The following MAP3K2 variants were observed in gnomAD, a reference collection of about 807,000 sequenced individuals.
The protein encoded by MAP3K2 is MAP/ERK kinase kinase 2.
In MAP3K2, 24 loss-of-function variants were observed where a neutral mutation model predicts 80.3. The ratio of observed to expected loss-of-function variants is 0.30; its 90% CI spans 0.22 to 0.42. The LOEUF (loss-of-function observed/expected upper bound fraction) is 0.42. MAP3K2 is among the 10% of genes least tolerant of loss of function. The pLI, the probability that MAP3K2 is intolerant of heterozygous loss-of-function variation, is 1.00. For missense variants in MAP3K2, 608 were observed against 750.1 expected, an observed-to-expected ratio of 0.81 and a Z score of 2.21; for synonymous variants, 244 against 253.7, an observed-to-expected ratio of 0.96 and a Z score of 0.36.
At position 127,310,784 on chromosome 2, in the gene MAP3K2, TTTCTC is replaced by T. The variant is rs1420206335; in HGVS notation, c.1457-2027_1457-2023del. Among the ~76,000 whole-genome samples, 2 of 152,104 alleles carry T rather than the reference TTTCTC, an allele frequency of 1.3e-5. No homozygotes were observed. The highest frequency in any genetic ancestry group is 1.3e-4 in the Admixed American group (2 of 15,264). On this transcript the variant is annotated intron_variant, in intron 15 of 16. Transcript: ENST00000682094. This position sits in a 1 kb window ranked among gnomAD's most constrained non-coding sequence, Gnocchi z 4.8. ...TCTAGTTTCCGTCTTTTATAAATCA[TTTCTC>T]TTCTCATTTTTTTCCACATAGCCCT...
rs2104815969 is a variant in MAP3K2, at chr2:127,318,234, C to G, written c.1129G>C (p.Asp377His). Residue 377 changes from aspartate to histidine, a missense_variant, in exon 13 of 17, where the codon GAT (aspartate) becomes CAT (histidine). By Grantham distance (81) the Asp-to-His change is moderately conservative. Transcript: ENST00000682094. ...FGRVYLCYDV[D>H]TGRELAVKQV... ...TTAACAGCCAATTCTCTTCCTGTAT[C>G]AACATCATAACAGAGGTAGACCCTT... The G allele has an allele frequency of 6.2e-7, 1 of 1,612,222 alleles. No individual in the cohort carries two copies. The highest frequency in any genetic ancestry group is 8.5e-7 in the Non-Finnish European group (1 of 1,179,200).
intron 1 of MAP3K2, among the ~76,000 whole-genome samples, chr2:127,386,218 C>T (rs1310712468): frequency 2.0e-5 from 3 of 152,164 alleles, no homozygotes; most frequent in East Asian, 1.9e-4. Flanking sequence ...AATGTATCGA[C>T]TTTTTTTCAG....
At chr2:127,316,921 G>A (rs879134571) in intron 14 of MAP3K2, 2 of 152,062 alleles carry the variant, frequency 1.3e-5, no homozygotes, top group Non-Finnish European at 1.5e-5. Context: ...ATACAGAGAA[G>A]ATTAGCACGG....
chr2:127,349,493 T>C (rs1686655860), intron 1 of MAP3K2, among the ~76,000 whole-genome samples: 2 of 152,232 alleles, frequency 1.3e-5, no homozygotes, highest in African/African-American at 4.8e-5. Flanking sequence ...TGCCTATCAG[T>C]ACCATTTCAA....
chr2:127,378,981 G>GTTGTT (rs1558992125), intron 1 of MAP3K2, among the ~76,000 whole-genome samples: 1 of 88,050 alleles, frequency 1.1e-5, no homozygotes, highest in Non-Finnish European at 2.1e-5. Flanking sequence ...GTTTTTTGTT[G>GTTGTT]TTTTTTTTTT....
At chr2:127,366,106 A>G (rs950747173) in intron 1 of MAP3K2, among the ~76,000 whole-genome samples, 1 of 152,236 alleles carries the variant, frequency 6.6e-6, no homozygotes, top group African/African-American at 2.4e-5. Flanking sequence ...CCAAGGAACA[A>G]GTAACCCTCA....
At chr2:127,355,766 T>C (rs1686786317) in intron 1 of MAP3K2, among the ~76,000 whole-genome samples, 1 of 152,172 alleles carries the variant, frequency 6.6e-6, no homozygotes, top group African/African-American at 2.4e-5. Flanking sequence ...TGAAAAATTT[T>C]ACTCTAGCAT....
intron 5 of MAP3K2, among the ~76,000 whole-genome samples, chr2:127,333,960 G>T (rs1686313671): frequency 6.6e-6 from 1 of 152,096 alleles, no homozygotes; most frequent in Non-Finnish European, 1.5e-5. Context: ...TTATCCGGGA[G>T]CAGTGGTGCC....
chr2:127,325,717 A>C lies in MAP3K2; in HGVS notation c.677+11T>G, dbSNP rs143239263. On this transcript the variant is annotated intron_variant, in intron 9 of 16. Coordinates refer to ENST00000682094, the MANE Select transcript of MAP3K2 (RefSeq NM_001371910.2). ...ACAAATAAACCCTCCAAAAACTACG[A>C]TAAACATTACCCATCCAAAGGACTA... 3.7e-5 allele frequency: 59 copies of C among 1,602,452 alleles called. No individual in the cohort carries two copies. Among genetic ancestry groups the C allele is most frequent in the Admixed American group, 6.7e-5 (4 of 59,706 alleles).
chr2:127,314,971 G>T, intron 14 of MAP3K2, 88 bp from the exon 15 acceptor site: 1 of 903,394 alleles, frequency 1.1e-6, no homozygotes, highest in East Asian at 2.7e-5. Context: ...AAGAGGGCAG[G>T]AATTCTCATC....
intron 1 of MAP3K2, among the ~76,000 whole-genome samples, chr2:127,371,468 T>C (rs1207392353): frequency 6.6e-6 from 1 of 152,220 alleles, no homozygotes; most frequent in African/African-American, 2.4e-5. Flanking sequence ...CAGGAGCCAT[T>C]TGTTGAATTT....
intron 7 of MAP3K2, among the ~76,000 whole-genome samples, chr2:127,329,514 G>A (rs1437417852): frequency 2.6e-5 from 4 of 151,990 alleles, no homozygotes; most frequent in African/African-American, 7.3e-5. Flanking sequence ...GCACCACCAC[G>A]CCCAGCTAAT....
intron 12 of MAP3K2, among the ~76,000 whole-genome samples, chr2:127,319,673 A>AG (rs1685977452): frequency 7.0e-6 from 1 of 142,496 alleles, no homozygotes; most frequent in African/African-American, 2.7e-5. Flanking sequence ...AAAAAAAAAA[A>AG]AAAAAGAAAA....
chr2:127,335,631 TAC>T (rs1686351611), intron 5 of MAP3K2, among the ~76,000 whole-genome samples: 1 of 152,180 alleles, frequency 6.6e-6, no homozygotes, highest in Non-Finnish European at 1.5e-5. Flanking sequence ...TTCCAAGTAA[TAC>T]ATATATTTTC....
At chr2:127,365,522 G>T (rs946465547) in intron 1 of MAP3K2, among the ~76,000 whole-genome samples, 6 of 152,146 alleles carry the variant, frequency 3.9e-5, no homozygotes, top group Non-Finnish European at 8.8e-5. Context: ...AGCTGCAGTT[G>T]CCAGCCGACT....
rs559950595 is a variant in MAP3K2 at position 127,382,960 on chromosome 2, C to A, written c.-66+4492G>T. ...AAAGAAGAGAGGTTTAATTGGCTCA[C>A]GGTTCAGCAAGCTGGACTGGAAGCA... On this transcript the variant is annotated intron_variant, in intron 1 of 16. Transcript: ENST00000682094. Among the ~76,000 whole-genome samples, 4 of 152,342 alleles carry A rather than the reference C, an allele frequency of 2.6e-5. No homozygotes were observed. The South Asian group carries it at 8.3e-4, about 32-fold the overall frequency.
chr2:127,347,841 T>C (rs1267918554), intron 1 of MAP3K2, among the ~76,000 whole-genome samples: 3 of 151,918 alleles, frequency 2.0e-5, no homozygotes, highest in African/African-American at 7.3e-5. Context: ...GAAATGCCAA[T>C]AAAAATCAAA....
intron 1 of MAP3K2, among the ~76,000 whole-genome samples, chr2:127,366,870 T>TTG (rs920152980): frequency 7.8e-6 from 1 of 128,586 alleles, no homozygotes; most frequent in East Asian, 2.1e-4. Flanking sequence ...TCAAGGGTTT[T>TTG]TTTTTTTTTT....
chr2:127,361,401 G>A (rs542063847), intron 1 of MAP3K2, among the ~76,000 whole-genome samples: 1 of 151,246 alleles, frequency 6.6e-6, no homozygotes, highest in Non-Finnish European at 1.5e-5. Flanking sequence ...ACAATATAGA[G>A]CCTCCCAGAA....
Sources: allele counts gnomAD v4.1 joint callset (sites outside exome capture counted in the v4.1 genomes callset), GRCh38; gene constraint gnomAD v4.1.1; non-coding constraint Gnocchi (gnomAD v3.1); transcripts MANE v1.5; gene names NCBI Gene and HGNC (gene_info 2026-07-23, HGNC 2026-07-21).